NPFFR2: variants seen among roughly 807,000 people sequenced by gnomAD.
NPFFR2 encodes the protein neuropeptide FF receptor 2.
A neutral mutation model predicts 13.1 loss-of-function variants in NPFFR2; 15 were observed. The ratio of observed to expected loss-of-function variants is 1.15; its 90% CI spans 0.77 to 1.76. NPFFR2 has a LOEUF of 1.76. NPFFR2 is among the 40% of genes most tolerant of loss of function. The pLI is 0.00. For synonymous variants in NPFFR2, 190 were observed against 175.7 expected, an observed-to-expected ratio of 1.08 and a Z score of -0.65; for missense variants, 572 against 503.5, an observed-to-expected ratio of 1.14 and a Z score of -1.30.
intron 1 of NPFFR2, among the ~76,000 whole-genome samples, chr4:72,097,204 AT>A (rs1721098909): frequency 6.6e-6 from 1 of 152,118 alleles, no homozygotes; most frequent in Non-Finnish European, 1.5e-5. Context: ...TTCACTAATA[AT>A]TCAGTGTCAA....
intron 1 of NPFFR2, among the ~76,000 whole-genome samples, chr4:72,105,664 T>C (rs890299660): frequency 5.3e-5 from 8 of 152,068 alleles, no homozygotes; most frequent in African/African-American, 1.7e-4. Flanking sequence ...AGAGTCACCA[T>C]TGAAAAATCA....
intron 2 of NPFFR2, among the ~76,000 whole-genome samples, chr4:72,132,156 G>A (rs1223971877): frequency 4.0e-5 from 6 of 149,310 alleles, no homozygotes; most frequent in East Asian, 2.0e-4. Context: ...GAGTCTCTTC[G>A]TCCTTACTCC....
At position 72,043,396 on chromosome 4, in the gene NPFFR2, C is replaced by A. The variant is rs113786262; in HGVS notation, c.-8+11196C>A. On this transcript the variant is annotated intron_variant, in intron 1 of 3. Transcript: ENST00000308744. ...TCTTCTAGACCTCAAAATGGTAAAT[C>A]CACTGACAGCTTGCACCATGCACCT... Among the ~76,000 whole-genome samples the A allele has an allele frequency of 8.3e-3, 1,267 of 152,272 alleles. 21 individuals are homozygous for A. The highest frequency in any genetic ancestry group is 0.029 in the African/African-American group (1,221 of 41,560).
chr4:72,053,217 T>C (rs548714209), intron 1 of NPFFR2, among the ~76,000 whole-genome samples: 180 of 151,870 alleles, frequency 1.2e-3, no homozygotes, highest in Non-Finnish European at 1.3e-3. Flanking sequence ...TATCTGTAAA[T>C]AGAAAACAAT....
At chr4:72,082,548 GTTTATA>G (rs1720658149) in intron 1 of NPFFR2, among the ~76,000 whole-genome samples, 1 of 151,754 alleles carries the variant, frequency 6.6e-6, no homozygotes, top group East Asian at 1.9e-4. Flanking sequence ...GATTTTTATT[GTTTATA>G]TTTATGGTGT....
chr4:72,142,303 G>A (rs1234014404), intron 3 of NPFFR2, among the ~76,000 whole-genome samples: 4 of 151,804 alleles, frequency 2.6e-5, no homozygotes, highest in Admixed American at 1.3e-4. Context: ...TGTCATTGGC[G>A]AGAGTGTCCC....
chr4:72,088,031 G>C (rs1350345701), intron 1 of NPFFR2, among the ~76,000 whole-genome samples: 3 of 151,996 alleles, frequency 2.0e-5, no homozygotes, highest in Non-Finnish European at 2.9e-5. Context: ...CAGAACCTGG[G>C]ACCAGAAGAG....
chr4:72,036,025 T>C (rs993165544), intron 1 of NPFFR2, among the ~76,000 whole-genome samples: 2 of 152,164 alleles, frequency 1.3e-5, no homozygotes. Flanking sequence ...TCCCACAAAA[T>C]TTAGAAAGCA....
At chr4:72,128,168 C>T (rs1722123508) in intron 1 of NPFFR2, among the ~76,000 whole-genome samples, 1 of 151,990 alleles carries the variant, frequency 6.6e-6, no homozygotes, top group African/African-American at 2.4e-5. Context: ...AAATGTAGAC[C>T]TCGTATCTTC....
At chr4:72,054,621 GAC>G (rs1413778375) in intron 1 of NPFFR2, among the ~76,000 whole-genome samples, 2 of 151,724 alleles carry the variant, frequency 1.3e-5, no homozygotes, top group Non-Finnish European at 2.9e-5. Flanking sequence ...GAAATAAACT[GAC>G]ACAATTAACT....
intron 1 of NPFFR2, among the ~76,000 whole-genome samples, chr4:72,088,651 G>A (rs1720832407): frequency 6.6e-6 from 1 of 151,934 alleles, no homozygotes; most frequent in Non-Finnish European, 1.5e-5. Flanking sequence ...GAAGGCAAAG[G>A]GGAAGCAACA....
chr4:72,137,562 G>A (rs1015230132), intron 2 of NPFFR2, among the ~76,000 whole-genome samples: 1 of 152,164 alleles, frequency 6.6e-6, no homozygotes. Flanking sequence ...TAATTTTGGG[G>A]TGCCTTTCCA....
At chr4:72,063,118 C>T (rs1251596387) in intron 1 of NPFFR2, among the ~76,000 whole-genome samples, 1 of 152,132 alleles carries the variant, frequency 6.6e-6, no homozygotes, top group East Asian at 1.9e-4. Context: ...GCAGTTTCAT[C>T]TTTTTGATGC....
chr4:72,114,543 G>A (rs532759198), intron 1 of NPFFR2, among the ~76,000 whole-genome samples: 9 of 152,084 alleles, frequency 5.9e-5, no homozygotes, highest in Non-Finnish European at 1.3e-4. Context: ...TGTAAATAAT[G>A]CATAGATCCT....
chr4:72,050,698 G>GGT (rs1344293852), intron 1 of NPFFR2, among the ~76,000 whole-genome samples: 2 of 151,676 alleles, frequency 1.3e-5, no homozygotes, highest in African/African-American at 4.8e-5. Context: ...GTGACATGCT[G>GGT]GTGCACTGCA....
intron 1 of NPFFR2, among the ~76,000 whole-genome samples, chr4:72,032,513 T>C (rs1216562909): frequency 1.3e-5 from 2 of 152,232 alleles, no homozygotes; most frequent in Non-Finnish European, 2.9e-5. Flanking sequence ...TATTGTGTTG[T>C]AACTTTGTTG....
intron 1 of NPFFR2, among the ~76,000 whole-genome samples, chr4:72,052,466 C>G (rs1167385341): frequency 6.6e-6 from 1 of 151,354 alleles, no homozygotes; most frequent in Non-Finnish European, 1.5e-5. Flanking sequence ...TAAAAACTCT[C>G]AATAAATTAG....
At chr4:72,085,905 T>A (rs1245427989) in intron 1 of NPFFR2, among the ~76,000 whole-genome samples, 1 of 152,126 alleles carries the variant, frequency 6.6e-6, no homozygotes, top group Non-Finnish European at 1.5e-5. Flanking sequence ...AGCCAAAATC[T>A]AAGAAGAAAC....
intron 1 of NPFFR2, among the ~76,000 whole-genome samples, chr4:72,080,905 C>T (rs1018707686): frequency 2.0e-5 from 3 of 146,874 alleles, no homozygotes; most frequent in Admixed American, 6.7e-5. Flanking sequence ...GGACCAACAG[C>T]GGTTCCAAGC....
Sources: gnomAD v4.1 joint callset for allele counts (sites outside exome capture counted in the v4.1 genomes callset) on GRCh38, gnomAD v4.1.1 for gene constraint, MANE v1.5 for transcripts, NCBI Gene and HGNC (gene_info 2026-07-23, HGNC 2026-07-21) for gene names.